CREG1: variants seen among roughly 807,000 people sequenced by gnomAD.
CREG1 encodes protein CREG1.
CREG1 carries 20 observed loss-of-function variants against 19.9 expected under a neutral mutation model. The observed-to-expected ratio is 1.01, with a 90% confidence interval of 0.71 to 1.46. The LOEUF is 1.46. CREG1 is among the 40% of genes most tolerant of loss of function. The pLI, the probability that CREG1 is intolerant of heterozygous loss-of-function variation, is 0.00. For synonymous variants in CREG1, 141 were observed against 143.3 expected, an observed-to-expected ratio of 0.98 and a Z score of 0.12; for missense variants, 290 against 314.9, an observed-to-expected ratio of 0.92 and a Z score of 0.60.
chr1:167,545,906 T>G lies in CREG1; in HGVS notation c.659+195A>C, dbSNP rs144248926. Among the ~76,000 whole-genome samples, 35 of 152,342 alleles carry G rather than the reference T, an allele frequency of 2.3e-4. No homozygotes were observed. The East Asian group carries it at 6.2e-3, about 27-fold the overall frequency. On this transcript the variant is annotated intron_variant, in intron 3 of 3. Transcript: ENST00000370509. ...TTTACAAATATTTTCATAAATGTAT[T>G]TCATTATAGTTGATTTTCTTCTTAA...
chr1:167,549,850 A>G lies in CREG1; in HGVS notation c.355-1729T>C, dbSNP rs909384795. ...TAGATGTGCATCACCACACCCGGCT[A>G]ATATTTTTTTATTTTTTGTAGACAT... is the stretch of plus-strand genomic sequence containing the variant. On this transcript the variant is annotated intron_variant, in intron 1 of 3. Coordinates refer to ENST00000370509, the MANE Select transcript of CREG1 (RefSeq NM_003851.3). Among the ~76,000 whole-genome samples, 3 of 151,790 alleles carry G rather than the reference A, an allele frequency of 2.0e-5. No individual in the cohort carries two copies. In the South Asian group the frequency reaches 6.2e-4, roughly 31 times the overall value.
chr1:167,551,351 C>A (rs1317412516), intron 1 of CREG1, among the ~76,000 whole-genome samples: 1 of 152,176 alleles, frequency 6.6e-6, no homozygotes, highest in Non-Finnish European at 1.5e-5. Context: ...GAAACTTTGA[C>A]CTGCTAATTG....
chr1:167,546,963 G>T (rs1458767692), intron 2 of CREG1, among the ~76,000 whole-genome samples: 10 of 152,220 alleles, frequency 6.6e-5, no homozygotes, highest in African/African-American at 2.4e-4. Context: ...ACATACAGAT[G>T]AATGTACTGA....
chr1:167,548,480 T>TA (rs11446137), intron 1 of CREG1, among the ~76,000 whole-genome samples: 37,765 of 152,190 alleles, frequency 0.25, 5,312 homozygotes, highest in Middle Eastern at 0.35. Context: ...GGTTAAACTC[T>TA]ATACAAAACC....
In CREG1 at chr1:167,553,584, T is replaced by C; in HGVS notation, c.158A>G (p.Glu53Gly). 1 of 1,431,498 alleles carries C rather than the reference T, an allele frequency of 7.0e-7. No homozygotes were observed. Among genetic ancestry groups the C allele is most frequent in the East Asian group, 3.0e-5 (1 of 32,804 alleles). 88.7% of individuals were successfully genotyped at this position (1,431,498 alleles called of 1,614,324 possible). Residue 53 changes from glutamate to glycine, a missense_variant, in exon 1 of 4, where the codon GAG becomes GGG. Glu to Gly is a moderately conservative substitution (Grantham distance 98, BLOSUM62 -2). Transcript: ENST00000370509. ...GAAGCGGGCCACGCGCGCCGCGTCC[T>C]CGCGGGGTGGTAGCGGCGGCAGCCG... is the stretch of plus-strand genomic sequence containing the variant. ...ASRLPPLPPR[E>G]DAARVARFVT...
At chr1:167,551,310 T>G (rs927997184) in intron 1 of CREG1, among the ~76,000 whole-genome samples, 1 of 152,152 alleles carries the variant, frequency 6.6e-6, no homozygotes, top group Admixed American at 6.5e-5. Flanking sequence ...CAGAGCACCC[T>G]GGAGGTCAGG....
At position 167,548,136 on chromosome 1, in the gene CREG1, T is replaced by A. The variant is rs772777074; in HGVS notation, c.355-15A>T. ...TATGGATTCTCCTATAGAGAGAAAA[T>A]GAAGATCCTCTCATGTGAAATATGG... On this transcript the variant is annotated splice_polypyrimidine_tract_variant and intron_variant, in intron 1 of 3. Transcript: ENST00000370509. 2 of 1,576,160 alleles carry A rather than the reference T, an allele frequency of 1.3e-6. No homozygotes were observed. Among genetic ancestry groups the A allele is most frequent in the South Asian group, 2.3e-5 (2 of 88,790 alleles).
chr1:167,553,270 A>T, intron 1 of CREG1, 118 bp downstream of exon 1: 2 of 800,700 alleles, frequency 2.5e-6, no homozygotes, highest in Non-Finnish European at 3.5e-6. Context: ...GCGGCAGAGA[A>T]GCAACAGCCG....
At chr1:167,551,159 G>T (rs991214391) in intron 1 of CREG1, among the ~76,000 whole-genome samples, 1 of 152,116 alleles carries the variant, frequency 6.6e-6, no homozygotes, top group African/African-American at 2.4e-5. Context: ...AAAAGAAACA[G>T]CCCAGTGGTA....
intron 3 of CREG1, among the ~76,000 whole-genome samples, chr1:167,544,772 C>A (rs772552794): frequency 6.6e-6 from 1 of 152,108 alleles, no homozygotes; most frequent in African/African-American, 2.4e-5. Flanking sequence ...TGGAAGGTTG[C>A]GCAAGAAAGG....
rs1211852916 is a variant in CREG1 at position 167,553,522 on chromosome 1, T to C, written c.220A>G (p.Ile74Val). Residue 74 changes from isoleucine to valine, a missense_variant, in exon 1 of 4, where the codon ATC becomes GTC. Physicochemically the swap from Ile to Val is conservative, Grantham distance 29. Transcript: ENST00000370509. ...HVSDWGALAT[I>V]STLEAVRGRP... The stretch of plus-strand genomic sequence containing the variant: ...CCGCGCACCGCCTCCAGCGTGGAGA[T>C]GGTGGCCAGAGCGCCCCAGTCGGAG... 6.5e-5 allele frequency: 96 copies of C among 1,488,042 alleles called. No homozygotes were observed. The highest frequency in any genetic ancestry group is 8.2e-5 in the Non-Finnish European group (92 of 1,126,620). 92.2% of individuals were successfully genotyped at this position (1,488,042 alleles called of 1,614,324 possible).
chr1:167,550,913 G>A (rs1296679771), intron 1 of CREG1, among the ~76,000 whole-genome samples: 1 of 152,056 alleles, frequency 6.6e-6, no homozygotes, highest in East Asian at 1.9e-4. Context: ...ATTTTAGTGG[G>A]TCAGAGAAAA....
At chr1:167,548,476 A>C (rs953826382) in intron 1 of CREG1, among the ~76,000 whole-genome samples, 3 of 140,740 alleles carry the variant, frequency 2.1e-5, no homozygotes, top group South Asian at 4.8e-4. Context: ...AAAGGGTTAA[A>C]CTCTATACAA....
At chr1:167,553,036 G>A (rs950419031) in intron 1 of CREG1, among the ~76,000 whole-genome samples, 5 of 134,206 alleles carry the variant, frequency 3.7e-5, no homozygotes, top group African/African-American at 1.4e-4. Flanking sequence ...CACAAAGTGA[G>A]ATTCTGTCTC....
Position 167,553,403 on chromosome 1 carries a change from G to T in CREG1, c.339C>A (p.Ser113=). Residue 113 remains serine, a synonymous_variant, in exon 1 of 4, where the codon TCC becomes TCA. Coordinates refer to ENST00000370509, the MANE Select transcript of CREG1 (RefSeq NM_003851.3). ...CCCAGCTCACCTGCAGGTTGCTCACGGAGAGCTGCAGCGGGCTCAGGTAGA... is the reference window on the plus strand; with the variant it reads ...CCCAGCTCACCTGCAGGTTGCTCACTGAGAGCTGCAGCGGGCTCAGGTAGA... ...PYFYLSPLQL[S]VSNLQENPYA... 7.0e-7 allele frequency: 1 copy of T among 1,438,140 alleles called. No individual in the cohort carries two copies. Among genetic ancestry groups the T allele is most frequent in the Non-Finnish European group, 9.1e-7 (1 of 1,100,056 alleles). 89.1% of individuals were successfully genotyped at this position (1,438,140 alleles called of 1,614,324 possible).
intron 1 of CREG1, among the ~76,000 whole-genome samples, chr1:167,551,643 C>T (rs1346098258): frequency 3.9e-5 from 6 of 152,212 alleles, no homozygotes; most frequent in Admixed American, 3.3e-4. Context: ...GTCAATCTCC[C>T]TCCTCCCCCA....
At position 167,553,514 on chromosome 1, in the gene CREG1, C is replaced by T. The variant is rs776820168; in HGVS notation, c.228G>A (p.Thr76=). The T allele has an allele frequency of 1.7e-5, 25 of 1,489,532 alleles. No individual in the cohort carries two copies. Among genetic ancestry groups the T allele is most frequent in the Non-Finnish European group, 2.2e-5 (25 of 1,127,384 alleles). The allele number at this position is 1,489,532 out of a possible 1,614,324, so 92.3% of individuals were successfully genotyped here. A position where few individuals can be genotyped will look rare whatever the true frequency, so the allele number is the denominator to read the frequency against. The part of the protein sequence containing the change: ...SDWGALATIS[T]LEAVRGRPFA... ...AGGGCCGGCCGCGCACCGCCTCCAG[C>T]GTGGAGATGGTGGCCAGAGCGCCCC... Residue 76 remains threonine (T), a synonymous_variant, in exon 1 of 4, where the codon ACG becomes ACA. Coordinates refer to ENST00000370509, the MANE Select transcript of CREG1 (RefSeq NM_003851.3).
At chr1:167,550,001 T>G (rs563296271) in intron 1 of CREG1, among the ~76,000 whole-genome samples, 19 of 152,130 alleles carry the variant, frequency 1.2e-4, no homozygotes, top group African/African-American at 4.3e-4. Context: ...CTGCATTTTA[T>G]TATTTAGAAA....
chr1:167,542,148 G>T lies in CREG1; in HGVS notation c.*150C>A. 1.6e-6 allele frequency: 1 copy of T among 610,912 alleles called. No individual in the cohort carries two copies. 37.8% of individuals were successfully genotyped at this position (610,912 alleles called of 1,614,324 possible). A position where few individuals can be genotyped will look rare whatever the true frequency, so the allele number is the denominator to read the frequency against. ...ACAGGTCAACTCTATTGGTAAACAA[G>T]CAAGTAAACAAGCAAGCAAACAAAC... On this transcript the variant is annotated 3_prime_UTR_variant, in exon 4 of 4. Transcript: ENST00000370509.
Sources: gnomAD v4.1 joint callset for allele counts (sites outside exome capture counted in the v4.1 genomes callset) on GRCh38, gnomAD v4.1.1 for gene constraint, MANE v1.5 for transcripts, NCBI Gene and HGNC (gene_info 2026-07-23, HGNC 2026-07-21) for gene names.